PDE7A: variants seen among roughly 807,000 people sequenced by gnomAD.
The protein encoded by PDE7A is high affinity 3',5'-cyclic-AMP phosphodiesterase 7A.
PDE7A carries 39 observed loss-of-function variants against 64.3 expected under a neutral mutation model. That is an observed-to-expected ratio of 0.61 (90% confidence interval 0.47 to 0.79). The LOEUF is 0.79. Ranked by LOEUF, PDE7A falls within the 30% of genes least tolerant of loss-of-function variation. The pLI is 0.00. For missense variants in PDE7A, 470 were observed against 582.8 expected (o/e 0.81, Z 1.99); for synonymous variants, 203 against 206.8 (o/e 0.98, Z 0.16).
At chr8:65,826,706 AAT>A (rs1240042633) in intron 1 of PDE7A, among the ~76,000 whole-genome samples, 9 of 152,214 alleles carry the variant, frequency 5.9e-5, no homozygotes, top group Non-Finnish European at 7.3e-5. Context: ...AACCATCTGT[AAT>A]AGTTTCCTAG....
At chr8:65,829,821 GGTAT>G in intron 1 of PDE7A, among the ~76,000 whole-genome samples, 1 of 152,058 alleles carries the variant, frequency 6.6e-6, no homozygotes, top group African/African-American at 2.4e-5. Context: ...AGATGAATAA[GGTAT>G]TATTTCTGTA....
intron 9 of PDE7A, among the ~76,000 whole-genome samples, chr8:65,726,328 TTA>T (rs1563471344): frequency 6.7e-6 from 1 of 149,356 alleles, no homozygotes; most frequent in African/African-American, 2.4e-5. Context: ...AATAGCCCAT[TTA>T]TTTTTTTTTC....
chr8:65,782,761 G>C (rs1809451183), intron 2 of PDE7A, 22 bp downstream of exon 2: 1 of 1,358,370 alleles, frequency 7.4e-7, no homozygotes, highest in South Asian at 1.2e-5. Context: ...ACTGATATTG[G>C]TATAAAATAA....
rs567763378 is a variant in PDE7A, at chr8:65,725,837, A to G, written c.921-916T>C. Among the ~76,000 whole-genome samples, 5 of 152,318 alleles carry G rather than the reference A, an allele frequency of 3.3e-5. No individual in the cohort carries two copies. The South Asian group carries it at 1.0e-3, about 32-fold the overall frequency. On this transcript the variant is annotated intron_variant, in intron 9 of 12. Coordinates refer to ENST00000401827, the MANE Select transcript of PDE7A (RefSeq NM_001242318.3). ...CATGATTTTTAAAAAGGGAATAATG[A>G]AGCAAACATTTTAATCTGTCTTAAT...
At chr8:65,761,027 T>G (rs922843073) in intron 3 of PDE7A, among the ~76,000 whole-genome samples, 1 of 152,140 alleles carries the variant, frequency 6.6e-6, no homozygotes, top group Non-Finnish European at 1.5e-5. Flanking sequence ...CTGGCTGTAT[T>G]ACACAATATC....
intron 1 of PDE7A, among the ~76,000 whole-genome samples, chr8:65,836,144 C>T (rs938062658): frequency 4.6e-5 from 7 of 152,220 alleles, no homozygotes; most frequent in African/African-American, 9.7e-5. Flanking sequence ...GGGTATCCCA[C>T]TCACTGGCCA....
At chr8:65,759,387 C>G (rs977017250) in intron 3 of PDE7A, among the ~76,000 whole-genome samples, 2 of 152,208 alleles carry the variant, frequency 1.3e-5, no homozygotes, top group Non-Finnish European at 2.9e-5. Flanking sequence ...AGGGATCCGC[C>G]AGAATGACGA....
At chr8:65,742,335 C>A (rs1440903095) in intron 5 of PDE7A, among the ~76,000 whole-genome samples, 1 of 152,148 alleles carries the variant, frequency 6.6e-6, no homozygotes, top group African/African-American at 2.4e-5. Flanking sequence ...AACCAGGTGG[C>A]TTTAGGAGTG....
chr8:65,733,889 AG>A (rs1328214679), intron 7 of PDE7A, among the ~76,000 whole-genome samples: 1 of 152,196 alleles, frequency 6.6e-6, no homozygotes, highest in Non-Finnish European at 1.5e-5. Context: ...GCCAGAACTA[AG>A]ATCTAGGGAG....
chr8:65,837,912 T>C (rs1341258641), intron 1 of PDE7A, among the ~76,000 whole-genome samples: 1 of 152,212 alleles, frequency 6.6e-6, no homozygotes, highest in East Asian at 1.9e-4. Flanking sequence ...TGAGGGCATT[T>C]TGGATTTTCA....
At chr8:65,798,206 A>ATATTTTTTTTTTT in intron 1 of PDE7A, among the ~76,000 whole-genome samples, 16 of 73,810 alleles carry the variant, frequency 2.2e-4, no homozygotes, top group African/African-American at 8.7e-4. Flanking sequence ...ATATATATAT[A>ATATTTTTTTTTTT]TTTTTTTTTT....
At position 65,841,417 on chromosome 8, in the gene PDE7A, G is replaced by A; in HGVS notation, c.92C>T (p.Ser31Phe). The change falls in exon 1 of 13, where the codon TCC becomes TTC. Residue 31 changes from serine (S) to phenylalanine (F), a missense_variant. Ser to Phe is a radical substitution (Grantham distance 155). Coordinates refer to ENST00000401827, the MANE Select transcript of PDE7A (RefSeq NM_001242318.3). ...LSRRGAISFSSSSALFGCPNP... is the reference protein window; with the variant it reads ...LSRRGAISFSFSSALFGCPNP... The stretch of plus-strand genomic sequence containing the variant: ...GGGGCAGCCGAAGAGAGCGGAGCTG[G>A]AGCTGAAGCTGATGGCTCCTCGGCG... The A allele has an allele frequency of 6.4e-7, 1 of 1,563,986 alleles. No individual in the cohort carries two copies. The highest frequency in any genetic ancestry group is 8.6e-7 in the Non-Finnish European group (1 of 1,159,822).
intron 1 of PDE7A, among the ~76,000 whole-genome samples, chr8:65,818,354 G>GT (rs563784649): frequency 1.3e-3 from 202 of 152,026 alleles, no homozygotes; most frequent in Admixed American, 3.1e-3. Context: ...TTGCCATTTT[G>GT]TTTTTTTGTT....
At chr8:65,747,940 G>A in intron 3 of PDE7A, 137 bp from the exon 4 acceptor site, 1 of 487,992 alleles carries the variant, frequency 2.0e-6, no homozygotes, top group East Asian at 3.3e-5. Flanking sequence ...CATGAAAGAA[G>A]TGATACTTTA....
At chr8:65,839,208 TTAA>T (rs1238738884) in intron 1 of PDE7A, among the ~76,000 whole-genome samples, 2 of 142,774 alleles carry the variant, frequency 1.4e-5, no homozygotes, top group Admixed American at 6.8e-5. Flanking sequence ...ACTATTTTAC[TTAA>T]TGTCTTTTTT....
rs748532944 is a variant in PDE7A at position 65,727,235 on chromosome 8, C to G, written c.763G>C (p.Asp255His). The G allele has an allele frequency of 6.2e-7, 1 of 1,613,828 alleles. No homozygotes were observed. The part of the protein sequence containing the change: ...SLIAAATHDL[D>H]HPGVNQPFLI... ...AAAGGTTGATTAACACCTGGATGAT[C>G]CAGATCATGAGTGGCAGCTGCAATT... The change falls in exon 8 of 13, where the codon GAT (aspartate) becomes CAT (histidine). Residue 255 changes from aspartate to histidine, a missense_variant. Coordinates refer to ENST00000401827, the MANE Select transcript of PDE7A (RefSeq NM_001242318.3).
At chr8:65,733,889 A>C (rs190606775) in intron 7 of PDE7A, among the ~76,000 whole-genome samples, 4 of 152,314 alleles carry the variant, frequency 2.6e-5, no homozygotes, top group Admixed American at 2.6e-4. Context: ...GCCAGAACTA[A>C]GATCTAGGGA....
rs1585877036 is a variant in PDE7A, at chr8:65,755,291, GATT to G, written c.284-7491_284-7489del. Among the ~76,000 whole-genome samples the G allele has an allele frequency of 2.6e-5, 4 of 152,220 alleles. No homozygotes were observed. In the East Asian group the frequency reaches 7.7e-4, roughly 29 times the overall value. On this transcript the variant is annotated intron_variant, in intron 3 of 12. Transcript: ENST00000401827. ...CCGCCTCAGCCTCCCAAAGTGCTGGGATTACAGGCATGAGCCATCATGCCCGGC... is the reference window on the plus strand; with the variant it reads ...CCGCCTCAGCCTCCCAAAGTGCTGGGACAGGCATGAGCCATCATGCCCGGC...
chr8:65,784,383 T>C (rs1426192779), intron 1 of PDE7A, among the ~76,000 whole-genome samples: 1 of 152,170 alleles, frequency 6.6e-6, no homozygotes. Context: ...TTTTAATAAA[T>C]AATGTTAGAT....
Sources: allele counts gnomAD v4.1 joint callset (sites outside exome capture counted in the v4.1 genomes callset), GRCh38; gene constraint gnomAD v4.1.1; transcripts MANE v1.5; gene names NCBI Gene and HGNC (gene_info 2026-07-23, HGNC 2026-07-21).